The following ABCF3 variants were observed in gnomAD, a reference collection of about 807,000 sequenced individuals.
The protein encoded by ABCF3 is ATP-binding cassette sub-family F member 3.
A neutral mutation model predicts 94.3 loss-of-function variants in ABCF3; 62 were observed. That is an observed-to-expected ratio of 0.66 (90% CI 0.54 to 0.81). The LOEUF (loss-of-function observed/expected upper bound fraction) is 0.81, where lower values mean the gene tolerates loss of function less well. Ranked by LOEUF, ABCF3 falls within the 40% of genes least tolerant of loss-of-function variation. ABCF3 has a pLI of 0.00. For synonymous variants in ABCF3, 355 were observed against 361.1 expected, an observed-to-expected ratio of 0.98 and a Z score of 0.19; for missense variants, 843 against 925.3, an observed-to-expected ratio of 0.91 and a Z score of 1.15.
intron 7 of ABCF3, 49 bp from the exon 8 acceptor site, chr3:184,188,712 C>T (rs1236971461): frequency 6.3e-7 from 1 of 1,583,042 alleles, no homozygotes; most frequent in African/African-American, 1.3e-5. Flanking sequence ...GCAGGACATC[C>T]TCCTAGACTG....
chr3:184,187,518 T>G, intron 4 of ABCF3, 75 bp downstream of exon 4: 1 of 1,556,744 alleles, frequency 6.4e-7, no homozygotes, highest in Non-Finnish European at 8.9e-7. Flanking sequence ...GAGTATCTTT[T>G]GGGGGGATTT....
At chr3:184,191,650 A>G (rs1577069458) in intron 16 of ABCF3, among the ~76,000 whole-genome samples, 1 of 151,442 alleles carries the variant, frequency 6.6e-6, no homozygotes, top group Non-Finnish European at 1.5e-5. Flanking sequence ...GCTGACATCT[A>G]CCTCACTTGG....
At position 184,186,502 on chromosome 3, in the gene ABCF3, C is replaced by A; in HGVS notation, c.74-5C>A. ...ACCTTCCTCGTTCTACCACGCCCTGCCCAGGCGTCTTGCACAGCGGCAGCG... is the reference window on the plus strand; with the variant it reads ...ACCTTCCTCGTTCTACCACGCCCTGACCAGGCGTCTTGCACAGCGGCAGCG... On this transcript the variant is annotated splice_polypyrimidine_tract_variant and splice_region_variant and intron_variant, in intron 1 of 20. Coordinates refer to ENST00000429586, the MANE Select transcript of ABCF3 (RefSeq NM_018358.3). 1 of 1,607,772 alleles carries A rather than the reference C, an allele frequency of 6.2e-7. No homozygotes were observed. The highest frequency in any genetic ancestry group is 1.7e-5 in the Admixed American group (1 of 59,508).
At position 184,193,109 on chromosome 3, in the gene ABCF3, TGAG is replaced by T. The variant is rs1716132451; in HGVS notation, c.1765_1767del (p.Glu589del). ...TGGGGAGTCCTTTTCCAGGGCGGCC[TGAG>T]GAGGAGTACCGTCACCAGCTGGGTC... is the stretch of plus-strand genomic sequence containing the variant. On this transcript the variant is annotated inframe_deletion, in exon 19 of 21. Coordinates refer to ENST00000429586, the MANE Select transcript of ABCF3 (RefSeq NM_018358.3). The surrounding 1 kb of genome is among the most constrained non-coding windows in gnomAD (Gnocchi z 5.2). 6.5e-7 allele frequency: 1 copy of T among 1,538,088 alleles called. No individual in the cohort carries two copies. Among genetic ancestry groups the T allele is most frequent in the Non-Finnish European group, 8.7e-7 (1 of 1,143,908 alleles).
chr3:184,189,267 G>C lies in ABCF3; in HGVS notation c.1047G>C (p.Leu349=). Residue 349 remains leucine (L), a synonymous_variant, in exon 11 of 21, where the codon CTG becomes CTC. Coordinates refer to ENST00000429586, the MANE Select transcript of ABCF3 (RefSeq NM_018358.3). ...TTGTTTTTCATAGGCCAGATCTTCT[G>C]CTGTTAGATGGTGAGTTTGAAATGG... ...ARALFARPDL[L]LLDEPTNMLD... The C allele has an allele frequency of 6.2e-7, 1 of 1,614,200 alleles. No individual in the cohort carries two copies. Among genetic ancestry groups the C allele is most frequent in the South Asian group, 1.1e-5 (1 of 91,088 alleles).
intron 16 of ABCF3, among the ~76,000 whole-genome samples, chr3:184,191,673 GT>G (rs1343366641): frequency 6.7e-6 from 1 of 149,730 alleles, no homozygotes; most frequent in Admixed American, 6.7e-5. Flanking sequence ...CTTGGGAAAA[GT>G]AAGTCCCCAG....
In ABCF3 at chr3:184,192,551, C is replaced by T. The variant is rs201321767; in HGVS notation, c.1570-50C>T. The T allele has an allele frequency of 2.7e-4, 416 of 1,516,850 alleles. No individual in the cohort carries two copies. The African/African-American group carries it at 4.9e-3, about 18-fold the overall frequency. The allele number at this position is 1,516,850 out of a possible 1,614,324, so 94.0% of individuals were successfully genotyped here. Reference sequence around the variant, plus strand: ...TGCCCACATATGAATGAGAACATACCGTATTTATTTTTCTGGCACACACTG... The same window carrying T: ...TGCCCACATATGAATGAGAACATACTGTATTTATTTTTCTGGCACACACTG... On this transcript the variant is annotated intron_variant, in intron 16 of 20. Coordinates refer to ENST00000429586, the MANE Select transcript of ABCF3 (RefSeq NM_018358.3).
At chr3:184,188,447 C>G (rs1005250756) in intron 7 of ABCF3, 40 bp downstream of exon 7, 11 of 1,579,782 alleles carry the variant, frequency 7.0e-6, no homozygotes, top group Non-Finnish European at 8.6e-6. Flanking sequence ...CAGCCGCTGT[C>G]GCTTACAGAG....
Position 184,193,815 on chromosome 3 carries a change from C to T in ABCF3, c.*117C>T. 1 of 1,237,262 alleles carries T rather than the reference C, an allele frequency of 8.1e-7. No individual in the cohort carries two copies. Among genetic ancestry groups the T allele is most frequent in the East Asian group, 2.6e-5 (1 of 39,052 alleles). 76.6% of individuals were successfully genotyped at this position (1,237,262 alleles called of 1,614,324 possible). A position where few individuals can be genotyped will look rare whatever the true frequency, so the allele number is the denominator to read the frequency against. On this transcript the variant is annotated 3_prime_UTR_variant, in exon 21 of 21. Coordinates refer to ENST00000429586, the MANE Select transcript of ABCF3 (RefSeq NM_018358.3). This position sits in a 1 kb window ranked among gnomAD's most constrained non-coding sequence, Gnocchi z 5.2. ...CCCCAACTTGGGGACAGCCTTATTC[C>T]CAAATGTCTCTATCCTTTTGACTGG...
rs777286818 is a variant in ABCF3 at position 184,187,855 on chromosome 3, T to G, written c.447-6T>G. ...CACTAAGAGCTGTCCATTTCTCCCTTTAAAGAGTCTTAGAAGAGGCATCAG... is the reference window on the plus strand; with the variant it reads ...CACTAAGAGCTGTCCATTTCTCCCTGTAAAGAGTCTTAGAAGAGGCATCAG... On this transcript the variant is annotated splice_region_variant and splice_polypyrimidine_tract_variant and intron_variant, in intron 5 of 20. Coordinates refer to ENST00000429586, the MANE Select transcript of ABCF3 (RefSeq NM_018358.3). The G allele has an allele frequency of 2.5e-6, 4 of 1,614,064 alleles. No individual in the cohort carries two copies. Among genetic ancestry groups the G allele is most frequent in the South Asian group, 2.2e-5 (2 of 91,084 alleles).
intron 3 of ABCF3, chr3:184,187,114 T>A (rs1715681694): frequency 1.1e-5 from 7 of 632,902 alleles, no homozygotes; most frequent in Non-Finnish European, 2.7e-6. Flanking sequence ...TGGACAGACT[T>A]GCTTTCACCC....
chr3:184,187,318 C>T, intron 3 of ABCF3, 79 bp from the exon 4 acceptor site: 2 of 1,529,962 alleles, frequency 1.3e-6, no homozygotes, highest in South Asian at 1.1e-5. Flanking sequence ...TGTGTCTGTG[C>T]CTGGTTCCTA....
In ABCF3 at chr3:184,192,696, C is replaced by T; in HGVS notation, c.1658+7C>T. On this transcript the variant is annotated splice_region_variant and intron_variant, in intron 17 of 20. Transcript: ENST00000429586. ...GCATCAGACACGCTCACAGGTCAGGCCCACCCGCACCCCTGCCCCCATGAG... is the reference window on the plus strand; with the variant it reads ...GCATCAGACACGCTCACAGGTCAGGTCCACCCGCACCCCTGCCCCCATGAG... 6.2e-7 allele frequency: 1 copy of T among 1,609,602 alleles called. No homozygotes were observed. The highest frequency in any genetic ancestry group is 8.5e-7 in the Non-Finnish European group (1 of 1,177,958).
In ABCF3 at chr3:184,188,357, G is replaced by A. The variant is rs1359545995; in HGVS notation, c.786G>A (p.Glu262=). The A allele has an allele frequency of 2.5e-6, 4 of 1,613,710 alleles. No individual in the cohort carries two copies. Among genetic ancestry groups the A allele is most frequent in the Non-Finnish European group, 3.4e-6 (4 of 1,179,960 alleles). The change falls in exon 7 of 21, where the codon GAG becomes GAA. Residue 262 remains glutamate, a synonymous_variant. Coordinates refer to ENST00000429586, the MANE Select transcript of ABCF3 (RefSeq NM_018358.3). ...QSVLESDSVR[E]DLLRRERELT... is the part of the protein sequence containing the mutation. ...TGCTGGAGAGTGACAGTGTGCGAGAGGATTTGCTACGGAGGGAGCGGGAGC... is the reference window on the plus strand; with the variant it reads ...TGCTGGAGAGTGACAGTGTGCGAGAAGATTTGCTACGGAGGGAGCGGGAGC...
chr3:184,191,985 A>G (rs1716057140), intron 16 of ABCF3, among the ~76,000 whole-genome samples: 1 of 151,940 alleles, frequency 6.6e-6, no homozygotes, highest in Non-Finnish European at 1.5e-5. Flanking sequence ...ACCTCAAATG[A>G]TCTGCCTGCC....
chr3:184,188,459 G>A (rs369605217), intron 7 of ABCF3, 52 bp downstream of exon 7: 27 of 1,567,108 alleles, frequency 1.7e-5, no homozygotes, highest in South Asian at 5.8e-5. Flanking sequence ...CTTACAGAGC[G>A]CCTGCCGTCC....
rs777815788 is a variant in ABCF3, at chr3:184,186,882, G to A, written c.301+7G>A. On this transcript the variant is annotated splice_region_variant and intron_variant, in intron 3 of 20. Coordinates refer to ENST00000429586, the MANE Select transcript of ABCF3 (RefSeq NM_018358.3). ...AAGATAACGGAGAACTACGGTGAGA[G>A]TGAGGGGAGGTTGAACTAACTGCCC... 6 of 1,612,194 alleles carry A rather than the reference G, an allele frequency of 3.7e-6. No homozygotes were observed. In the African/African-American group the frequency reaches 8.0e-5, roughly 22 times the overall value.
chr3:184,193,501 T>C lies in ABCF3; in HGVS notation c.1972-39T>C, dbSNP rs553442231. 1.1e-5 allele frequency: 17 copies of C among 1,614,094 alleles called. No individual in the cohort carries two copies. The East Asian group carries it at 3.3e-4, about 32-fold the overall frequency. On this transcript the variant is annotated intron_variant, in intron 20 of 20. Transcript: ENST00000429586. The surrounding 1 kb of genome is among the most constrained non-coding windows in gnomAD (Gnocchi z 5.2). ...ACTCCTCCCAGGCCTCGGTGCCTCT[T>C]GTGTCCCCCTGAGCACCTCCTGCCC...
chr3:184,186,695 G>C, intron 2 of ABCF3, 41 bp downstream of exon 2: 1 of 1,591,060 alleles, frequency 6.3e-7, no homozygotes, highest in Non-Finnish European at 8.6e-7. Context: ...GCGAAGGGAC[G>C]GCGAACGGTC....
Sources: allele counts gnomAD v4.1 joint callset (sites outside exome capture counted in the v4.1 genomes callset), GRCh38; gene constraint gnomAD v4.1.1; non-coding constraint Gnocchi (gnomAD v3.1); transcripts MANE v1.5; gene names NCBI Gene and HGNC (gene_info 2026-07-23, HGNC 2026-07-21).